MMP17: variants seen among roughly 807,000 people sequenced by gnomAD.
MMP17 encodes the protein matrix metallopeptidase 17, also known as matrix metalloproteinase-17.
In MMP17, 54 loss-of-function variants were observed where a neutral mutation model predicts 49.1. That is an observed-to-expected ratio of 1.10 (90% CI 0.88 to 1.38). MMP17 has a LOEUF of 1.38. Among genes scored for constraint, MMP17 ranks in the 40% most tolerant of loss-of-function variants. The probability of loss-of-function intolerance (pLI) is 0.00; values close to 1 mark genes in which losing one functional copy is unlikely to be tolerated. For missense variants in MMP17, 837 were observed against 853.7 expected, an observed-to-expected ratio of 0.98 and a Z score of 0.24; for synonymous variants, 397 against 383.1, an observed-to-expected ratio of 1.04 and a Z score of -0.42.
intron 1 of MMP17, among the ~76,000 whole-genome samples, chr12:131,833,644 C>G (rs1401440793): frequency 1.3e-5 from 2 of 152,264 alleles, no homozygotes; most frequent in Non-Finnish European, 2.9e-5. Flanking sequence ...TATCCACACT[C>G]TCTGAGCCTT....
At chr12:131,830,272 G>A (rs56071916) in intron 1 of MMP17, among the ~76,000 whole-genome samples, 14,508 of 152,310 alleles carry the variant, frequency 0.095, 718 homozygotes, top group Middle Eastern at 0.17. Context: ...TGGTACCTGC[G>A]CCTCGGTCTC....
chr12:131,835,909 T>A (rs1309898761), intron 1 of MMP17, among the ~76,000 whole-genome samples: 1 of 152,192 alleles, frequency 6.6e-6, no homozygotes, highest in Non-Finnish European at 1.5e-5. Flanking sequence ...TGGGACACCC[T>A]CAGTAAACCC....
chr12:131,828,487 T>A lies in MMP17; in HGVS notation c.-8T>A. On this transcript the variant is annotated 5_prime_UTR_variant, in exon 1 of 10. The change abolishes the stop of an existing upstream ORF in the 5' untranslated region. Transcript: ENST00000360564. ...CCTGCACGCCGCCCGCGGGCCCATGTGAGCGCCATGCGGCGCCGCGCAGCC... is the reference window on the plus strand; with the variant it reads ...CCTGCACGCCGCCCGCGGGCCCATGAGAGCGCCATGCGGCGCCGCGCAGCC... 1.0e-6 allele frequency: 1 copy of A among 992,146 alleles called. No individual in the cohort carries two copies. The highest frequency in any genetic ancestry group is 1.2e-6 in the Non-Finnish European group (1 of 835,392). 61.5% of individuals were successfully genotyped at this position (992,146 alleles called of 1,614,324 possible).
Position 131,851,086 on chromosome 12 carries a change from C to A in MMP17, c.1624C>A (p.Pro542Thr). 6.2e-7 allele frequency: 1 copy of A among 1,602,470 alleles called. No homozygotes were observed. The highest frequency in any genetic ancestry group is 1.3e-5 in the African/African-American group (1 of 74,606). The change falls in exon 10 of 10, where the codon CCC (proline) becomes ACC (threonine). Residue 542 changes from proline (P) to threonine (T), a missense_variant. Pro to Thr is a conservative substitution (Grantham distance 38). Coordinates refer to ENST00000360564, the MANE Select transcript of MMP17 (RefSeq NM_016155.7). The part of the protein sequence containing the change: ...VAAGVDAAEG[P>T]RAPPGQHDQS... ...TGCGGGCGTGGACGCGGCAGAGGGG[C>A]CCCGCGCCCCTCCAGGACAACATGA...
intron 8 of MMP17, among the ~76,000 whole-genome samples, chr12:131,848,942 G>A (rs1019264935): frequency 3.3e-5 from 5 of 152,222 alleles, no homozygotes; most frequent in African/African-American, 1.2e-4. Context: ...CGGGAATGCT[G>A]GATCACGTGG....
At position 131,851,148 on chromosome 12, in the gene MMP17, A is replaced by G; in HGVS notation, c.1686A>G (p.Ser562=). The change falls in exon 10 of 10, where the codon TCA becomes TCG. Residue 562 remains serine (S), a synonymous_variant. Coordinates refer to ENST00000360564, the MANE Select transcript of MMP17 (RefSeq NM_016155.7). ...CGGAGGACGGTTACGAGGTCTGCTC[A>G]TGCACCTCTGGGGCATCCTCTCCCC... The part of the protein sequence containing the change: ...SRSEDGYEVC[S]CTSGASSPPG... 3.2e-6 allele frequency: 5 copies of G among 1,560,370 alleles called. No individual in the cohort carries two copies. Among genetic ancestry groups the G allele is most frequent in the Non-Finnish European group, 4.3e-6 (5 of 1,152,576 alleles).
chr12:131,837,942 C>G (rs1265417743), intron 1 of MMP17: 3 of 370,858 alleles, frequency 8.1e-6, no homozygotes, highest in Non-Finnish European at 1.5e-5. Context: ...CATCTCCTGA[C>G]CTCATGATCC....
chr12:131,845,170 C>T lies in MMP17; in HGVS notation c.1021C>T (p.Gln341Ter), dbSNP rs1171117820. The change falls in exon 7 of 10, where the codon CAG (glutamine) becomes TAG (stop). Residue 341 changes from glutamine (Q) to a stop codon, truncating the protein, a stop_gained. Coordinates refer to ENST00000360564, the MANE Select transcript of MMP17 (RefSeq NM_016155.7). LOFTEE classifies it high-confidence loss of function. ...CAGCACTCACTTTGACGCGGTGGCCCAGATCCGGGGTGAAGCTTTCTTCTT... is the reference window on the plus strand; with the variant it reads ...CAGCACTCACTTTGACGCGGTGGCCTAGATCCGGGGTGAAGCTTTCTTCTT... ...RCSTHFDAVA[Q>*]IRGEAFFFKG... The T allele has an allele frequency of 1.9e-6, 3 of 1,613,938 alleles. No individual in the cohort carries two copies. In the African/African-American group the frequency reaches 4.0e-5, roughly 22 times the overall value.
chr12:131,841,952 C>G, intron 5 of MMP17, 152 bp downstream of exon 5: 1 of 826,988 alleles, frequency 1.2e-6, no homozygotes, highest in Non-Finnish European at 1.8e-6. Flanking sequence ...CTGGCCTGTC[C>G]ACAGAGCCCA....
intron 3 of MMP17, chr12:131,840,181 C>G (rs1031153851): frequency 1.1e-5 from 2 of 189,160 alleles, no homozygotes; most frequent in Non-Finnish European, 2.2e-5. Flanking sequence ...TGCTGTCCCC[C>G]GGAGTCAAAA....
Position 131,840,774 on chromosome 12 carries a change from C to T in MMP17, c.624C>T (p.Ala208=). The T allele has an allele frequency of 1.2e-6, 2 of 1,605,344 alleles. No individual in the cohort carries two copies. The highest frequency in any genetic ancestry group is 1.7e-6 in the Non-Finnish European group (2 of 1,179,820). ...YPFDGPGGTV[A]HAFFPGHHHT... ...TCGACGGCCCCGGCGGCACCGTGGC[C>T]CACGCCTTCTTCCCCGGCCACCACC... Residue 208 remains alanine, a synonymous_variant, in exon 4 of 10, where the codon GCC becomes GCT. Transcript: ENST00000360564.
At chr12:131,845,730 A>T (rs528275996) in intron 8 of MMP17, among the ~76,000 whole-genome samples, 2 of 152,300 alleles carry the variant, frequency 1.3e-5, no homozygotes, top group Non-Finnish European at 2.9e-5. Context: ...GGAGGAGCTG[A>T]TGCCAGTGCC....
rs1566091494 is a variant in MMP17 at position 131,845,154 on chromosome 12, C to G, written c.1005C>G (p.His335Gln). Residue 335 changes from histidine (H) to glutamine (Q), a missense_variant, in exon 7 of 10, where the codon CAC becomes CAG. Transcript: ENST00000360564. ...ACGTGCCCCACAGATGCAGCACTCA[C>G]TTTGACGCGGTGGCCCAGATCCGGG... The part of the protein sequence containing the change: ...RKDVPHRCST[H>Q]FDAVAQIRGE... 6.2e-7 allele frequency: 1 copy of G among 1,613,904 alleles called. No homozygotes were observed. Among genetic ancestry groups the G allele is most frequent in the South Asian group, 1.1e-5 (1 of 91,086 alleles).
intron 4 of MMP17, 151 bp downstream of exon 4, chr12:131,841,007 C>G: frequency 9.4e-7 from 1 of 1,063,688 alleles, no homozygotes. Context: ...CTAGGCCGAT[C>G]TCACAGCATC....
chr12:131,836,587 A>T (rs1267221424), intron 1 of MMP17, among the ~76,000 whole-genome samples: 1 of 151,678 alleles, frequency 6.6e-6, no homozygotes, highest in Non-Finnish European at 1.5e-5. Flanking sequence ...AGAAATGGTC[A>T]AAAATGGGCA....
chr12:131,840,362 C>G, intron 3 of MMP17: 1 of 535,646 alleles, frequency 1.9e-6, no homozygotes, highest in Non-Finnish European at 3.3e-6. Flanking sequence ...CCTGCCTGGG[C>G]TCTCATTTCC....
chr12:131,843,729 A>AAC (rs1240809558), intron 5 of MMP17, among the ~76,000 whole-genome samples: 1 of 152,164 alleles, frequency 6.6e-6, no homozygotes, highest in Non-Finnish European at 1.5e-5. Flanking sequence ...CTCCTGTGGG[A>AAC]ACGCCTGTCT....
rs1372884067 is a variant in MMP17 at position 131,845,188 on chromosome 12, T to C, written c.1039T>C (p.Phe347Leu). The C allele has an allele frequency of 7.4e-6, 12 of 1,613,872 alleles. No homozygotes were observed. The highest frequency in any genetic ancestry group is 1.0e-5 in the Non-Finnish European group (12 of 1,179,932). ...DAVAQIRGEA[F>L]FFKGKYFWRL... ...GGTGGCCCAGATCCGGGGTGAAGCT[T>C]TCTTCTTCAAAGGTACCTCCAGGGT... is the stretch of plus-strand genomic sequence containing the variant. Residue 347 changes from phenylalanine (F) to leucine (L), a missense_variant, in exon 7 of 10, where the codon TTC becomes CTC. By Grantham distance (22) the Phe-to-Leu change is conservative. Coordinates refer to ENST00000360564, the MANE Select transcript of MMP17 (RefSeq NM_016155.7).
chr12:131,846,241 A>G lies in MMP17; in HGVS notation c.1204+792A>G, dbSNP rs1887697243. On this transcript the variant is annotated intron_variant, in intron 8 of 9. Transcript: ENST00000360564. This position sits in a 1 kb window ranked among gnomAD's most constrained non-coding sequence, Gnocchi z 4.6. ...GCTGTCCCAGGCCTCTCCCACATCCAGTGTCACCCTCAGCCACATCCCTCC... is the reference window on the plus strand; with the variant it reads ...GCTGTCCCAGGCCTCTCCCACATCCGGTGTCACCCTCAGCCACATCCCTCC... Among the ~76,000 whole-genome samples, 2 of 152,098 alleles carry G rather than the reference A, an allele frequency of 1.3e-5. No individual in the cohort carries two copies. The highest frequency in any genetic ancestry group is 1.3e-4 in the Admixed American group (2 of 15,260).
Sources: gnomAD v4.1 joint callset for allele counts (sites outside exome capture counted in the v4.1 genomes callset) on GRCh38, gnomAD v4.1.1 for gene constraint, Gnocchi (gnomAD v3.1) non-coding constraint, MANE v1.5 for transcripts, NCBI Gene and HGNC (gene_info 2026-07-23, HGNC 2026-07-21) for gene names.